Variants in CCDC171 observed in about 807,000 individuals in gnomAD.
CCDC171 encodes the protein coiled-coil domain containing 171.
CCDC171 carries 177 observed loss-of-function variants against 168.2 expected under a neutral mutation model. The observed-to-expected ratio is 1.05, with a 90% CI of 0.93 to 1.19. CCDC171 has a LOEUF of 1.19. Ranked by LOEUF, CCDC171 falls within the 50% of genes most tolerant of loss-of-function variation. The pLI is 0.00. For synonymous variants in CCDC171, 687 were observed against 540.8 expected, an observed-to-expected ratio of 1.27 and a Z score of -3.75; for missense variants, 1,991 against 1,539.0, an observed-to-expected ratio of 1.29 and a Z score of -4.91.
At chr9:15,788,399 C>G (rs1044259161) in intron 21 of CCDC171, among the ~76,000 whole-genome samples, 1 of 151,864 alleles carries the variant, frequency 6.6e-6, no homozygotes, top group South Asian at 2.1e-4. Context: ...AAAAATAGTT[C>G]TTTTTTAAAT....
intron 10 of CCDC171, among the ~76,000 whole-genome samples, chr9:15,679,561 CTTTTT>C (rs1554755280): frequency 1.3e-5 from 2 of 152,010 alleles, no homozygotes; most frequent in Non-Finnish European, 2.9e-5. Context: ...CTTTTCTTTT[CTTTTT>C]GAAGATGAGG....
chr9:15,908,882 C>G (rs1388520893), intron 24 of CCDC171, among the ~76,000 whole-genome samples: 1 of 152,094 alleles, frequency 6.6e-6, no homozygotes, highest in African/African-American at 2.4e-5. Flanking sequence ...CGCTCATGAT[C>G]CAAATACCTC....
intron 21 of CCDC171, among the ~76,000 whole-genome samples, chr9:15,790,236 T>C (rs556023728): frequency 1.3e-5 from 2 of 152,342 alleles, no homozygotes; most frequent in South Asian, 4.1e-4. Context: ...AGTGTTCCTG[T>C]TTCTCCACAT....
chr9:15,583,334 C>T (rs2041284221), intron 4 of CCDC171, among the ~76,000 whole-genome samples: 1 of 151,328 alleles, frequency 6.6e-6, no homozygotes, highest in African/African-American at 2.4e-5. Flanking sequence ...ATAGCTTGAA[C>T]CTGGGAGGCA....
chr9:15,660,791 G>C (rs1456624288), intron 8 of CCDC171, among the ~76,000 whole-genome samples: 1 of 152,168 alleles, frequency 6.6e-6, no homozygotes, highest in Non-Finnish European at 1.5e-5. Flanking sequence ...GAACATAAAA[G>C]TGCATGTGTT....
the CCDC171 span, among the ~76,000 whole-genome samples, chr9:16,107,129 T>A: frequency 2.6e-5 from 4 of 152,180 alleles, no homozygotes; most frequent in East Asian, 7.7e-4. Context: ...TTTGCAGACA[T>A]TTTTTTCCTA....
chr9:15,696,640 G>C (rs150080886), intron 11 of CCDC171, among the ~76,000 whole-genome samples: 2 of 151,992 alleles, frequency 1.3e-5, no homozygotes, highest in African/African-American at 4.8e-5. Context: ...AAATATTGTC[G>C]CAGTATAGCA....
intron 2 of CCDC171, among the ~76,000 whole-genome samples, chr9:15,571,422 G>T (rs886625931): frequency 1.3e-5 from 2 of 152,002 alleles, no homozygotes; most frequent in African/African-American, 4.8e-5. Context: ...TTGTTGCTAG[G>T]TATCTATCTA....
intron 21 of CCDC171, among the ~76,000 whole-genome samples, chr9:15,823,800 C>T (rs904050271): frequency 4.0e-4 from 61 of 151,958 alleles, no homozygotes; most frequent in Admixed American, 1.0e-3. Flanking sequence ...AAATGCTTTA[C>T]ACAGATTTAA....
At chr9:15,782,246 T>C (rs2057702593) in intron 20 of CCDC171, among the ~76,000 whole-genome samples, 1 of 152,236 alleles carries the variant, frequency 6.6e-6, no homozygotes, top group African/African-American at 2.4e-5. Context: ...TTTAGTACTT[T>C]AATGGTTTTG....
At chr9:15,830,550 A>G (rs1266973977) in intron 21 of CCDC171, among the ~76,000 whole-genome samples, 1 of 152,240 alleles carries the variant, frequency 6.6e-6, no homozygotes, top group Admixed American at 6.5e-5. Flanking sequence ...GGAAGTTCAG[A>G]CATTGAGAAT....
intron 7 of CCDC171, among the ~76,000 whole-genome samples, chr9:15,644,652 A>C (rs546785114): frequency 6.6e-6 from 1 of 152,316 alleles, no homozygotes; most frequent in African/African-American, 2.4e-5. Context: ...TTGCTAGCAC[A>C]GCAGTCTGAG....
chr9:15,762,792 C>T (rs567489706), intron 18 of CCDC171, among the ~76,000 whole-genome samples: 2 of 152,290 alleles, frequency 1.3e-5, no homozygotes, highest in South Asian at 2.1e-4. Flanking sequence ...GAGTCAGTCA[C>T]CCCTGCTCCT....
the CCDC171 span, among the ~76,000 whole-genome samples, chr9:16,092,596 A>G: frequency 0.19 from 28,318 of 152,134 alleles, 2,795 homozygotes; most frequent in Non-Finnish European, 0.2. Flanking sequence ...TTTCTGCAGA[A>G]CACTTGAAAA....
intron 1 of CCDC171, among the ~76,000 whole-genome samples, chr9:16,054,911 G>C (rs1232091158): frequency 6.6e-6 from 1 of 152,196 alleles, no homozygotes; most frequent in African/African-American, 2.4e-5. Flanking sequence ...CACGCAGGGC[G>C]GGGGGCAGGT....
chr9:15,592,380 G>A (rs565923371), intron 5 of CCDC171, among the ~76,000 whole-genome samples: 2 of 151,846 alleles, frequency 1.3e-5, no homozygotes, highest in South Asian at 2.1e-4. Context: ...AAAAAAAAAC[G>A]GTGATAAAAA....
intron 20 of CCDC171, among the ~76,000 whole-genome samples, chr9:15,782,991 A>T (rs1394633969): frequency 6.6e-6 from 1 of 152,174 alleles, no homozygotes; most frequent in Non-Finnish European, 1.5e-5. Flanking sequence ...AAATCATTAG[A>T]CATCTGTTTT....
At chr9:15,664,694 G>GTTTTTT (rs71325927) in intron 8 of CCDC171, among the ~76,000 whole-genome samples, 53 of 99,488 alleles carry the variant, frequency 5.3e-4, no homozygotes, top group African/African-American at 2.2e-3. Context: ...ATATAGTTTT[G>GTTTTTT]TTTTTTTTTT....
At chr9:15,997,263 C>A (rs565100111) in intron 3 of CCDC171, among the ~76,000 whole-genome samples, 6 of 152,230 alleles carry the variant, frequency 3.9e-5, no homozygotes, top group African/African-American at 1.4e-4. Context: ...GCAAAGACTG[C>A]GTCTTAGAGA....
Sources: gnomAD v4.1 joint callset for allele counts (sites outside exome capture counted in the v4.1 genomes callset) on GRCh38, gnomAD v4.1.1 for gene constraint, MANE v1.5 for transcripts, NCBI Gene and HGNC (gene_info 2026-07-23, HGNC 2026-07-21) for gene names.